The following FCHO2 variants were observed in gnomAD, a reference collection of about 807,000 sequenced individuals.
FCHO2 encodes FCH and mu domain containing endocytic adaptor 2.
Under a neutral mutation model 114.1 loss-of-function variants are expected in FCHO2, and 43 were observed. The observed-to-expected ratio is 0.38, with a 90% confidence interval of 0.30 to 0.49. The LOEUF is 0.49. Ranked by LOEUF, FCHO2 falls within the 20% of genes least tolerant of loss-of-function variation. FCHO2 has a pLI of 0.97. For synonymous variants in FCHO2, 293 were observed against 315.2 expected, an observed-to-expected ratio of 0.93 and a Z score of 0.75; for missense variants, 807 against 950.4, an observed-to-expected ratio of 0.85 and a Z score of 1.98.
intron 18 of FCHO2, among the ~76,000 whole-genome samples, chr5:73,066,204 A>G (rs1415812455): frequency 6.6e-6 from 1 of 151,970 alleles, no homozygotes; most frequent in Non-Finnish European, 1.5e-5. Flanking sequence ...ATCACCATAC[A>G]CTACCCTCTC....
chr5:73,070,935 T>C (rs1162324253), intron 19 of FCHO2, among the ~76,000 whole-genome samples: 1 of 152,094 alleles, frequency 6.6e-6, no homozygotes, highest in African/African-American at 2.4e-5. Context: ...TGAAAAGCAC[T>C]GTGAGACGTC....
At chr5:72,975,521 A>T (rs1480694499) in intron 2 of FCHO2, among the ~76,000 whole-genome samples, 1 of 150,654 alleles carries the variant, frequency 6.6e-6, no homozygotes, top group Non-Finnish European at 1.5e-5. Flanking sequence ...TTTTTTTGAG[A>T]CAGAGTCTCG....
chr5:73,061,735 G>T lies in FCHO2; in HGVS notation c.1346-2106G>T, dbSNP rs548464377. On this transcript the variant is annotated intron_variant, in intron 17 of 25. Transcript: ENST00000430046. The stretch of plus-strand genomic sequence containing the variant: ...GAACTTGTTACAATTAATAGCTCCA[G>T]TGTTGCTCAGAAGGCATTCCAGAGA... Among the ~76,000 whole-genome samples, 6 of 152,206 alleles carry T rather than the reference G, an allele frequency of 3.9e-5. No individual in the cohort carries two copies. In the South Asian group the frequency reaches 1.2e-3, roughly 32 times the overall value.
intron 2 of FCHO2, among the ~76,000 whole-genome samples, chr5:72,987,291 A>G (rs1753580729): frequency 2.0e-5 from 3 of 152,178 alleles, no homozygotes; most frequent in Non-Finnish European, 2.9e-5. Flanking sequence ...CTCAAAAAAT[A>G]TATAGATTTT....
intron 2 of FCHO2, among the ~76,000 whole-genome samples, chr5:72,975,025 A>G (rs1042306712): frequency 4.2e-4 from 64 of 152,154 alleles, no homozygotes; most frequent in African/African-American, 1.5e-3. Flanking sequence ...AATGTTGAAT[A>G]TTGAATGCCT....
intron 1 of FCHO2, among the ~76,000 whole-genome samples, chr5:72,967,211 G>A (rs941226337): frequency 2.0e-5 from 3 of 152,292 alleles, no homozygotes; most frequent in South Asian, 2.1e-4. Context: ...GCTTGAACCC[G>A]GATGGGGAGG....
chr5:73,052,373 T>G lies in FCHO2; in HGVS notation c.1039T>G (p.Ser347Ala). The G allele has an allele frequency of 1.2e-6, 2 of 1,609,028 alleles. 1 individual carries two copies. The highest frequency in any genetic ancestry group is 4.5e-5 in the East Asian group (2 of 44,802). ...TTTCTACTCATCTAGTGATTCTGAC[T>G]CCGAAGATGAAGAACCAAAGAAGTA... ...NHFYSSSDSD[S>A]EDEEPKKYRI... Residue 347 changes from serine to alanine, a missense_variant, in exon 13 of 26, where the codon TCC (serine) becomes GCC (alanine). By Grantham distance (99) the Ser-to-Ala change is moderately conservative. Transcript: ENST00000430046.
At chr5:73,031,372 C>T (rs1217177328) in intron 8 of FCHO2, among the ~76,000 whole-genome samples, 1 of 151,990 alleles carries the variant, frequency 6.6e-6, no homozygotes, top group Non-Finnish European at 1.5e-5. Context: ...TTTGAATAGC[C>T]CAGACTTTCT....
At chr5:73,020,705 GA>G in intron 8 of FCHO2, 1 of 1,210,756 alleles carries the variant, frequency 8.3e-7, no homozygotes, top group Non-Finnish European at 1.2e-6. Flanking sequence ...CTTTAGTGAA[GA>G]AATTGGATGC....
chr5:73,051,546 T>TTTG, intron 12 of FCHO2, 140 bp downstream of exon 12: 1 of 604,822 alleles, frequency 1.7e-6, no homozygotes, highest in East Asian at 3.4e-5. Flanking sequence ...TGACATGTTT[T>TTTG]TTGTTGTTGT....
intron 5 of FCHO2, among the ~76,000 whole-genome samples, chr5:73,003,470 G>A (rs1005460479): frequency 6.6e-6 from 1 of 151,988 alleles, no homozygotes; most frequent in African/African-American, 2.4e-5. Context: ...GTGCCACCAT[G>A]CCCGCCCAGT....
chr5:72,995,741 C>T (rs1754056366), intron 5 of FCHO2, among the ~76,000 whole-genome samples: 2 of 151,970 alleles, frequency 1.3e-5, no homozygotes, highest in Non-Finnish European at 2.9e-5. Context: ...CCTTATAAAG[C>T]TGTCAGTCCT....
chr5:73,018,762 C>T (rs1245600222), intron 8 of FCHO2, among the ~76,000 whole-genome samples: 1 of 152,182 alleles, frequency 6.6e-6, no homozygotes, highest in Non-Finnish European at 1.5e-5. Context: ...TGAAGAATTT[C>T]TCATTCATTT....
intron 6 of FCHO2, among the ~76,000 whole-genome samples, chr5:73,013,048 A>C (rs1242878021): frequency 1.3e-5 from 2 of 152,176 alleles, no homozygotes; most frequent in East Asian, 1.9e-4. Flanking sequence ...AAATTGCTGA[A>C]ATTTAAGTTA....
At chr5:72,981,753 T>C (rs1753223387) in intron 2 of FCHO2, among the ~76,000 whole-genome samples, 1 of 152,244 alleles carries the variant, frequency 6.6e-6, no homozygotes, top group African/African-American at 2.4e-5. Flanking sequence ...TTGATACTTG[T>C]GTATGCTTCA....
chr5:72,999,780 T>G (rs1580076464), intron 5 of FCHO2, among the ~76,000 whole-genome samples: 1 of 152,340 alleles, frequency 6.6e-6, no homozygotes, highest in East Asian at 1.9e-4. Flanking sequence ...GCTTCATGGA[T>G]TGTACTATAA....
intron 16 of FCHO2, among the ~76,000 whole-genome samples, chr5:73,057,852 A>C (rs930758677): frequency 6.6e-6 from 1 of 152,110 alleles, no homozygotes; most frequent in Non-Finnish European, 1.5e-5. Context: ...AGGTGGTTGA[A>C]TCTAACAAGG....
At chr5:73,038,470 T>C (rs1263256717) in intron 10 of FCHO2, among the ~76,000 whole-genome samples, 1 of 152,230 alleles carries the variant, frequency 6.6e-6, no homozygotes, top group Non-Finnish European at 1.5e-5. Flanking sequence ...CAAAAAAATT[T>C]GTTGACCCAC....
chr5:72,986,335 G>T (rs1318771995), intron 2 of FCHO2, among the ~76,000 whole-genome samples: 1 of 151,812 alleles, frequency 6.6e-6, no homozygotes, highest in Admixed American at 6.6e-5. Context: ...GTCTTTACTT[G>T]AAGGGCGTGG....
Sources: allele counts gnomAD v4.1 joint callset (sites outside exome capture counted in the v4.1 genomes callset), GRCh38; gene constraint gnomAD v4.1.1; transcripts MANE v1.5; gene names NCBI Gene and HGNC (gene_info 2026-07-23, HGNC 2026-07-21).